PHF14: variants seen among roughly 807,000 people sequenced by gnomAD.
PHF14 encodes the protein PHD finger protein 14.
A neutral mutation model predicts 117.9 loss-of-function variants in PHF14; 55 were observed. That is an observed-to-expected ratio of 0.47 (90% CI 0.38 to 0.58). The LOEUF (loss-of-function observed/expected upper bound fraction) is 0.58, where lower values mean the gene tolerates loss of function less well. Among genes scored for constraint, PHF14 ranks in the 20% least tolerant of loss-of-function variants. The pLI, the probability that PHF14 is intolerant of heterozygous loss-of-function variation, is 0.00. For synonymous variants in PHF14, 409 were observed against 368.6 expected (o/e 1.11, Z -1.26); for missense variants, 978 against 1,122.2 (o/e 0.87, Z 1.84).
At chr7:11,094,835 G>A (rs1759181920) in intron 16 of PHF14, among the ~76,000 whole-genome samples, 1 of 152,058 alleles carries the variant, frequency 6.6e-6, no homozygotes, top group Non-Finnish European at 1.5e-5. Context: ...TCTTTTATGG[G>A]GTCTATCTTT....
chr7:10,974,191 G>A lies in PHF14; in HGVS notation c.-133G>A. 1.3e-6 allele frequency: 1 copy of A among 785,896 alleles called. No homozygotes were observed. The highest frequency in any genetic ancestry group is 1.5e-5 in the South Asian group (1 of 67,100). 48.7% of individuals were successfully genotyped at this position (785,896 alleles called of 1,614,324 possible). A position where few individuals can be genotyped will look rare whatever the true frequency, so the allele number is the denominator to read the frequency against. On this transcript the variant is annotated 5_prime_UTR_variant, in exon 1 of 18. Coordinates refer to ENST00000634607, the MANE Select transcript of PHF14 (RefSeq NM_001007157.2). ...CTACTCTTGGGAGCGCCCCTGTCCG[G>A]CTGGCTGCGCGCCGGTTTTAAATAG...
intron 17 of PHF14, among the ~76,000 whole-genome samples, chr7:11,123,961 T>C (rs1202651347): frequency 1.3e-5 from 2 of 150,420 alleles, no homozygotes; most frequent in Admixed American, 6.6e-5. Context: ...ATAGGAATTT[T>C]GTTTAATATA....
chr7:11,068,814 A>G (rs1785511721), intron 16 of PHF14, among the ~76,000 whole-genome samples: 1 of 152,146 alleles, frequency 6.6e-6, no homozygotes, highest in African/African-American at 2.4e-5. Context: ...GGGGGACATT[A>G]ACATTTTAAC....
At chr7:11,166,623 T>C (rs1458714685) in intron 17 of PHF14, among the ~76,000 whole-genome samples, 2 of 152,206 alleles carry the variant, frequency 1.3e-5, no homozygotes. Context: ...TGATAAAATC[T>C]ATTACTGTTA....
Position 11,103,173 on chromosome 7 carries a change from G to C in PHF14, c.2655-8177G>C. Reference sequence around the variant, plus strand: ...ATGACATTCTATTTTTGACTTATTAGTCCTAGTGTGAAAGCATTAATATTA... The same window carrying C: ...ATGACATTCTATTTTTGACTTATTACTCCTAGTGTGAAAGCATTAATATTA... On this transcript the variant is annotated intron_variant, in intron 16 of 17. Transcript: ENST00000634607. 3 of 977,698 alleles carry C rather than the reference G, an allele frequency of 3.1e-6. 1 individual carries two copies. The highest frequency in any genetic ancestry group is 3.6e-6 in the Non-Finnish European group (3 of 823,116). The allele number at this position is 977,698 out of a possible 1,614,324, so 60.6% of individuals were successfully genotyped here. A position where few individuals can be genotyped will look rare whatever the true frequency, so the allele number is the denominator to read the frequency against.
chr7:10,986,837 G>A (rs989274760), intron 3 of PHF14, among the ~76,000 whole-genome samples: 14 of 152,130 alleles, frequency 9.2e-5, no homozygotes, highest in South Asian at 4.1e-4. Context: ...ATCCATGACC[G>A]TAAATTATAT....
At position 11,064,932 on chromosome 7, in the gene PHF14, G is replaced by A. The variant is rs147647871; in HGVS notation, c.2654+2847G>A. On this transcript the variant is annotated intron_variant, in intron 16 of 17. Transcript: ENST00000634607. ...TCTTTCCATATAAAATGTTAGAACA[G>A]TAGTATTATTTAGTAACACAAAGAA... is the stretch of plus-strand genomic sequence containing the variant. 1.5e-4 allele frequency among the ~76,000 whole-genome samples: 23 copies of A among 152,154 alleles called. 1 individual carries two copies. Among genetic ancestry groups the A allele is most frequent in the African/African-American group, 5.5e-4 (23 of 41,552 alleles).
At chr7:10,996,201 G>C (rs1782640530) in intron 4 of PHF14, among the ~76,000 whole-genome samples, 1 of 152,242 alleles carries the variant, frequency 6.6e-6, no homozygotes, top group Non-Finnish European at 1.5e-5. Flanking sequence ...AGACTGAAGT[G>C]AATCTAAGGT....
chr7:11,073,425 C>T (rs917186497), intron 16 of PHF14, among the ~76,000 whole-genome samples: 5 of 152,348 alleles, frequency 3.3e-5, no homozygotes, highest in East Asian at 1.9e-4. Flanking sequence ...CAATGTCCTT[C>T]GATGCCATAT....
chr7:11,067,489 C>G (rs1785462562), intron 16 of PHF14, among the ~76,000 whole-genome samples: 1 of 152,128 alleles, frequency 6.6e-6, no homozygotes. Flanking sequence ...AGCAGAAACT[C>G]AAACAGATAA....
intron 17 of PHF14, among the ~76,000 whole-genome samples, chr7:11,157,086 C>G (rs1488969639): frequency 6.6e-6 from 1 of 152,142 alleles, no homozygotes; most frequent in Non-Finnish European, 1.5e-5. Context: ...TATATACTTT[C>G]TCCATTGCAT....
At position 10,974,250 on chromosome 7, in the gene PHF14, C is replaced by T. The variant is rs1335496424; in HGVS notation, c.-74C>T. The T allele has an allele frequency of 7.3e-7, 1 of 1,362,270 alleles. No homozygotes were observed. Among genetic ancestry groups the T allele is most frequent in the Non-Finnish European group, 1.0e-6 (1 of 975,130 alleles). 84.4% of individuals were successfully genotyped at this position (1,362,270 alleles called of 1,614,324 possible). A position where few individuals can be genotyped will look rare whatever the true frequency, so the allele number is the denominator to read the frequency against. ...GGACTTGTCTTCGCGGCCCCAGTCC[C>T]CGACCTCGGCGCTGCCTGGGCTCCT... On this transcript the variant is annotated 5_prime_UTR_variant, in exon 1 of 18. Transcript: ENST00000634607.
chr7:11,048,871 T>C (rs1784760430), intron 13 of PHF14, among the ~76,000 whole-genome samples: 1 of 141,482 alleles, frequency 7.1e-6, no homozygotes, highest in Non-Finnish European at 1.5e-5. Flanking sequence ...GGCAGTTACA[T>C]TTGTTTTGAT....
intron 7 of PHF14, among the ~76,000 whole-genome samples, chr7:11,029,539 C>G (rs1311157909): frequency 6.6e-6 from 1 of 151,936 alleles, no homozygotes; most frequent in Non-Finnish European, 1.5e-5. Flanking sequence ...TAAAACAGTG[C>G]CACTCTCCTC....
intron 17 of PHF14, among the ~76,000 whole-genome samples, chr7:11,161,710 T>C (rs1789033820): frequency 6.8e-6 from 1 of 147,978 alleles, no homozygotes; most frequent in South Asian, 2.1e-4. Flanking sequence ...AAATATTATA[T>C]TTTATTTAAA....
chr7:11,076,678 C>G (rs1269846854), intron 16 of PHF14, among the ~76,000 whole-genome samples: 1 of 151,192 alleles, frequency 6.6e-6, no homozygotes, highest in African/African-American at 2.4e-5. Context: ...AGCAATTCTC[C>G]TGCCTCAGCC....
intron 16 of PHF14, chr7:11,109,724 C>A (rs551841750): frequency 6.6e-6 from 1 of 151,748 alleles, no homozygotes; most frequent in Non-Finnish European, 1.5e-5. Context: ...AATGCCAGAA[C>A]AACAGGTATT....
At chr7:11,061,615 G>A (rs1372018422) in intron 14 of PHF14, 176 bp from the exon 15 acceptor site, 1 of 403,592 alleles carries the variant, frequency 2.5e-6, no homozygotes. Flanking sequence ...ATTTCCTATG[G>A]CATAAATGGT....
rs1179471501 is a variant in PHF14, at chr7:11,122,350, T to TACACACACACACAC, written c.2772+10884_2772+10885insCACACACACACACA. On this transcript the variant is annotated intron_variant, in intron 17 of 17. Coordinates refer to ENST00000634607, the MANE Select transcript of PHF14 (RefSeq NM_001007157.2). ...TACTTTTTATATATATATATATATA[T>TACACACACACACAC]ATACACACACACACACACACACACA... Among the ~76,000 whole-genome samples the TACACACACACACAC allele has an allele frequency of 4.8e-4, 30 of 63,090 alleles. 2 individuals carry two copies. In the East Asian group the frequency reaches 6.9e-3, roughly 15 times the overall value. The allele number at this position is 63,090 out of a possible 152,430, so 41.4% of individuals were successfully genotyped here.
Sources: allele counts gnomAD v4.1 joint callset (sites outside exome capture counted in the v4.1 genomes callset), GRCh38; gene constraint gnomAD v4.1.1; transcripts MANE v1.5; gene names NCBI Gene and HGNC (gene_info 2026-07-23, HGNC 2026-07-21).